Variants in NTN4 observed in about 807,000 individuals in gnomAD.
NTN4 encodes netrin 4, also known as netrin-4.
In NTN4, 32 loss-of-function variants were observed where a neutral mutation model predicts 73.6. The observed-to-expected ratio is 0.44, with a 90% CI of 0.33 to 0.58. The LOEUF (loss-of-function observed/expected upper bound fraction) is 0.58, where lower values mean the gene tolerates loss of function less well. Among genes scored for constraint, NTN4 ranks in the 20% least tolerant of loss-of-function variants. The probability of loss-of-function intolerance (pLI) is 0.04; values close to 1 mark genes in which losing one functional copy is unlikely to be tolerated. For synonymous variants in NTN4, 258 were observed against 287.5 expected, an observed-to-expected ratio of 0.90 and a Z score of 1.04; for missense variants, 654 against 798.3, an observed-to-expected ratio of 0.82 and a Z score of 2.18.
intron 2 of NTN4, among the ~76,000 whole-genome samples, chr12:95,746,991 G>A (rs1348620431): frequency 6.6e-6 from 1 of 152,174 alleles, no homozygotes; most frequent in Non-Finnish European, 1.5e-5. Flanking sequence ...GAAGTGACAT[G>A]TAAAAACCCA....
intron 7 of NTN4, among the ~76,000 whole-genome samples, chr12:95,674,162 CA>C (rs35764079): frequency 3.4e-5 from 5 of 146,710 alleles, no homozygotes; most frequent in Admixed American, 6.8e-5. Flanking sequence ...GAGACTCTGC[CA>C]AAAAAAAAAG....
intron 3 of NTN4, among the ~76,000 whole-genome samples, chr12:95,735,237 T>A (rs2078767307): frequency 9.0e-6 from 1 of 110,642 alleles, no homozygotes; most frequent in Non-Finnish European, 2.4e-5. Context: ...GGGTTCTTTT[T>A]TCTTCTTTTT....
intron 5 of NTN4, among the ~76,000 whole-genome samples, chr12:95,684,467 T>TA (rs67432613): frequency 6.9e-5 from 9 of 129,874 alleles, no homozygotes; most frequent in Admixed American, 1.6e-4. Context: ...CCTGGCTACT[T>TA]AAAAAAAATT....
chr12:95,729,398 CTT>C (rs2078719415), intron 3 of NTN4, among the ~76,000 whole-genome samples: 1 of 151,924 alleles, frequency 6.6e-6, no homozygotes, highest in Non-Finnish European at 1.5e-5. Context: ...ACAAAAAAAT[CTT>C]TTATGAGTTA....
intron 4 of NTN4, among the ~76,000 whole-genome samples, chr12:95,712,787 C>CTTTTTTTTTTTTTTTTTTTTTT (rs35614636): frequency 4.7e-5 from 5 of 105,734 alleles, no homozygotes; most frequent in East Asian, 2.7e-4. Context: ...TTCTTTCTTT[C>CTTTTTTTTTTTTTTTTTTTTTT]TTTTTTTTTT....
intron 9 of NTN4, chr12:95,663,320 G>A (rs1291982067): frequency 1.3e-5 from 2 of 152,070 alleles, no homozygotes; most frequent in Admixed American, 6.5e-5. Context: ...GCAAAACAAT[G>A]TTCTTTTATA....
At chr12:95,672,793 C>A in intron 7 of NTN4, 1 of 1,324,946 alleles carries the variant, frequency 7.5e-7, no homozygotes, top group Non-Finnish European at 1.1e-6. Flanking sequence ...TGCCAGCGCT[C>A]TGCCCTTTTG....
At chr12:95,661,866 G>A (rs1352103496) in intron 9 of NTN4, among the ~76,000 whole-genome samples, 3 of 152,022 alleles carry the variant, frequency 2.0e-5, no homozygotes, top group Non-Finnish European at 4.4e-5. Flanking sequence ...TTGAAGGACT[G>A]AAAAACTAGA....
intron 5 of NTN4, among the ~76,000 whole-genome samples, chr12:95,706,085 G>A (rs1452709063): frequency 2.0e-5 from 3 of 152,116 alleles, no homozygotes; most frequent in South Asian, 2.1e-4. Flanking sequence ...AAAACCTATA[G>A]AACTTGTTTT....
At chr12:95,663,112 C>A (rs897871880) in intron 9 of NTN4, among the ~76,000 whole-genome samples, 2 of 143,816 alleles carry the variant, frequency 1.4e-5, no homozygotes, top group Non-Finnish European at 3.0e-5. Context: ...AGCAGAGAAC[C>A]CTGTCTTTAA....
At chr12:95,766,296 T>C (rs1030406244) in intron 2 of NTN4, among the ~76,000 whole-genome samples, 1 of 152,212 alleles carries the variant, frequency 6.6e-6, no homozygotes, top group Non-Finnish European at 1.5e-5. Flanking sequence ...ATTGGAGTCG[T>C]TGGATGTAAA....
At chr12:95,762,863 ACT>A (rs2078998241) in intron 2 of NTN4, among the ~76,000 whole-genome samples, 1 of 152,068 alleles carries the variant, frequency 6.6e-6, no homozygotes, top group Non-Finnish European at 1.5e-5. Flanking sequence ...AAACAAACTA[ACT>A]CTCATTTCGG....
At chr12:95,746,828 G>T (rs1283338416) in intron 2 of NTN4, among the ~76,000 whole-genome samples, 2 of 152,108 alleles carry the variant, frequency 1.3e-5, no homozygotes, top group Non-Finnish European at 2.9e-5. Context: ...TAATTGTAGG[G>T]CTCACCTCAT....
At chr12:95,683,056 G>GGTTTTGTTTTGTTTT (rs59041521) in intron 6 of NTN4, among the ~76,000 whole-genome samples, 1 of 151,154 alleles carries the variant, frequency 6.6e-6, no homozygotes, top group Non-Finnish European at 1.5e-5. Flanking sequence ...AAAAATTATT[G>GGTTTTGTTTTGTTTT]GTTTTGTTTT....
At chr12:95,677,022 G>A (rs2078278702) in intron 7 of NTN4, among the ~76,000 whole-genome samples, 1 of 152,104 alleles carries the variant, frequency 6.6e-6, no homozygotes, top group South Asian at 2.1e-4. Flanking sequence ...GGATCTTAAG[G>A]TCAGGAGATC....
chr12:95,763,145 C>T (rs2079000068), intron 2 of NTN4, among the ~76,000 whole-genome samples: 1 of 152,142 alleles, frequency 6.6e-6, no homozygotes, highest in South Asian at 2.1e-4. Flanking sequence ...ACTCTGGATA[C>T]AAAAATGGAT....
chr12:95,753,002 G>A (rs982851148), intron 2 of NTN4, among the ~76,000 whole-genome samples: 6 of 152,128 alleles, frequency 3.9e-5, no homozygotes, highest in African/African-American at 4.8e-5. Flanking sequence ...TTCCTGGTCC[G>A]GACTTCAATC....
intron 5 of NTN4, among the ~76,000 whole-genome samples, chr12:95,685,869 T>C (rs1413003002): frequency 6.6e-6 from 1 of 152,156 alleles, no homozygotes; most frequent in Non-Finnish European, 1.5e-5. Flanking sequence ...TTAAATTAAC[T>C]AATTAATCCA....
chr12:95,755,497 A>G (rs752934405), intron 2 of NTN4, among the ~76,000 whole-genome samples: 1 of 152,190 alleles, frequency 6.6e-6, no homozygotes, highest in Non-Finnish European at 1.5e-5. Flanking sequence ...CTTTAAGTGA[A>G]GTACCTACTT....
Sources: allele counts gnomAD v4.1 joint callset (sites outside exome capture counted in the v4.1 genomes callset), GRCh38; gene constraint gnomAD v4.1.1; transcripts MANE v1.5; gene names NCBI Gene and HGNC (gene_info 2026-07-23, HGNC 2026-07-21).